Variants in PTPRN2 observed in about 807,000 individuals in gnomAD.
PTPRN2 encodes protein tyrosine phosphatase receptor type N2.
PTPRN2 carries 74 observed loss-of-function variants against 118.8 expected under a neutral mutation model. The ratio of observed to expected loss-of-function variants is 0.62; its 90% CI spans 0.52 to 0.76. The LOEUF (loss-of-function observed/expected upper bound fraction) is 0.76. Among genes scored for constraint, PTPRN2 ranks in the 30% least tolerant of loss-of-function variants. The pLI is 0.00. For synonymous variants in PTPRN2, 641 were observed against 608.0 expected (o/e 1.05, Z -0.80); for missense variants, 1,481 against 1,394.4 (o/e 1.06, Z -0.99).
chr7:158,164,742 G>C (rs1366785559), intron 6 of PTPRN2, among the ~76,000 whole-genome samples: 1 of 152,174 alleles, frequency 6.6e-6, no homozygotes, highest in Non-Finnish European at 1.5e-5. Flanking sequence ...AGAGAAAAGG[G>C]AGGTTAGAGA....
intron 1 of PTPRN2, among the ~76,000 whole-genome samples, chr7:158,582,702 T>C (rs1828693243): frequency 6.9e-6 from 1 of 144,544 alleles, no homozygotes; most frequent in South Asian, 2.1e-4. Context: ...AAGGCTAAGA[T>C]GGGTGGATTG....
intron 2 of PTPRN2, among the ~76,000 whole-genome samples, chr7:158,435,279 A>G (rs1207853354): frequency 6.6e-6 from 1 of 152,228 alleles, no homozygotes; most frequent in African/African-American, 2.4e-5. Context: ...GATTTTTTAA[A>G]CGGGCAAAAG....
At chr7:157,995,276 C>T (rs997424098) in intron 11 of PTPRN2, among the ~76,000 whole-genome samples, 12 of 150,866 alleles carry the variant, frequency 8.0e-5, no homozygotes, top group African/African-American at 2.7e-4. Context: ...CTCCTTGTTC[C>T]TAAAATCAAC....
intron 1 of PTPRN2, among the ~76,000 whole-genome samples, chr7:158,491,358 C>T (rs1369134178): frequency 2.6e-5 from 4 of 152,240 alleles, no homozygotes; most frequent in African/African-American, 4.8e-5. Context: ...CCAGTGCCCA[C>T]CACCATCGCC....
At chr7:158,483,497 T>C (rs566426904) in intron 2 of PTPRN2, among the ~76,000 whole-genome samples, 1 of 152,358 alleles carries the variant, frequency 6.6e-6, no homozygotes, top group African/African-American at 2.4e-5. Context: ...TCTTCCACTT[T>C]GGGGACAACG....
chr7:157,843,353 C>T (rs1489585525), intron 12 of PTPRN2, among the ~76,000 whole-genome samples: 3 of 152,178 alleles, frequency 2.0e-5, no homozygotes, highest in African/African-American at 7.2e-5. Context: ...GAAAACAATG[C>T]AATGGTGGTT....
Position 158,336,987 on chromosome 7 carries a change from G to C in PTPRN2, c.164-20055C>G, listed in dbSNP as rs1384133632. Among the ~76,000 whole-genome samples the C allele has an allele frequency of 8.2e-5, 5 of 60,910 alleles. 2 individuals carry two copies. Among genetic ancestry groups the C allele is most frequent in the Non-Finnish European group, 1.9e-4 (5 of 26,066 alleles). 40.0% of individuals were successfully genotyped at this position (60,910 alleles called of 152,430 possible). On this transcript the variant is annotated intron_variant, in intron 2 of 22. Transcript: ENST00000389418. ...CTCACCATAAGAGCTGATGCCCGCAGACGTCACTCACACCCACACTCTCAC... is the reference window on the plus strand; with the variant it reads ...CTCACCATAAGAGCTGATGCCCGCACACGTCACTCACACCCACACTCTCAC...
At chr7:157,880,461 G>A (rs534379565) in intron 12 of PTPRN2, among the ~76,000 whole-genome samples, 2 of 152,360 alleles carry the variant, frequency 1.3e-5, no homozygotes, top group Non-Finnish European at 2.9e-5. Context: ...GGGGGCACCG[G>A]CAGCTCCTGG....
chr7:157,998,807 T>G (rs4716874), intron 11 of PTPRN2, among the ~76,000 whole-genome samples: 97,942 of 141,794 alleles, frequency 0.69, 33,736 homozygotes, highest in East Asian at 0.88. Context: ...GGGTGACAGA[T>G]ACTCCATCTC....
Position 157,618,778 on chromosome 7 carries a change from T to C in PTPRN2, c.2344+2584A>G, listed in dbSNP as rs1802959618. 6.6e-6 allele frequency: 1 copy of C among 152,254 alleles called. No individual in the cohort carries two copies. The highest frequency in any genetic ancestry group is 2.4e-5 in the African/African-American group (1 of 41,444). 9.4% of individuals were successfully genotyped at this position (152,254 alleles called of 1,614,324 possible). On this transcript the variant is annotated intron_variant, in intron 15 of 22. Transcript: ENST00000389418. This position sits in a 1 kb window ranked among gnomAD's most constrained non-coding sequence, Gnocchi z 4.2. The stretch of plus-strand genomic sequence containing the variant: ...CTATGTGTTCATGAAAATATTTCTA[T>C]CTAGGGTTCTCCCAGGAGGTGAACT...
intron 3 of PTPRN2, among the ~76,000 whole-genome samples, chr7:158,239,932 G>A (rs1361559033): frequency 6.6e-6 from 1 of 152,180 alleles, no homozygotes; most frequent in Non-Finnish European, 1.5e-5. Flanking sequence ...TGAGGGTGTG[G>A]TGCGGGCAAT....
At chr7:157,983,662 T>A (rs999816701) in intron 11 of PTPRN2, among the ~76,000 whole-genome samples, 7 of 150,158 alleles carry the variant, frequency 4.7e-5, no homozygotes, top group African/African-American at 1.7e-4. Context: ...CCCGGAGGAG[T>A]AGCGTGTGTG....
rs531249144 is a variant in PTPRN2 at position 158,080,860 on chromosome 7, C to T, written c.1723+438G>A. On this transcript the variant is annotated intron_variant, in intron 11 of 22. Coordinates refer to ENST00000389418, the MANE Select transcript of PTPRN2 (RefSeq NM_002847.5). Reference sequence around the variant, plus strand: ...TTGTGGTGTCTCTGCCCACCGCAGTCGGGAGCAGGGCCGGTGTGTGCTCCT... The same window carrying T: ...TTGTGGTGTCTCTGCCCACCGCAGTTGGGAGCAGGGCCGGTGTGTGCTCCT... Among the ~76,000 whole-genome samples the T allele has an allele frequency of 2.4e-4, 37 of 152,284 alleles. 1 individual carries two copies. In the South Asian group the frequency reaches 7.2e-3, roughly 30 times the overall value.
chr7:157,796,166 C>T (rs11979416), intron 12 of PTPRN2, among the ~76,000 whole-genome samples: 15,039 of 152,304 alleles, frequency 0.099, 854 homozygotes, highest in Middle Eastern at 0.15. Flanking sequence ...CTTAGAGACG[C>T]GGGGATGCCC....
intron 2 of PTPRN2, among the ~76,000 whole-genome samples, chr7:158,432,257 C>T (rs959505008): frequency 1.1e-4 from 16 of 152,228 alleles, no homozygotes; most frequent in Non-Finnish European, 4.4e-5. Context: ...TCATGAGGAG[C>T]GGCGGGGCCT....
chr7:158,303,298 C>G (rs754845889), intron 3 of PTPRN2, among the ~76,000 whole-genome samples: 10 of 152,148 alleles, frequency 6.6e-5, no homozygotes, highest in Non-Finnish European at 1.5e-4. Context: ...GCTCTCCATT[C>G]CACACCAGCC....
At chr7:158,489,119 G>A (rs1390861560) in intron 2 of PTPRN2, among the ~76,000 whole-genome samples, 1 of 152,212 alleles carries the variant, frequency 6.6e-6, no homozygotes, top group African/African-American at 2.4e-5. Context: ...TTTCTTATCC[G>A]CCTGATAAGA....
chr7:158,558,640 C>A lies in PTPRN2; in HGVS notation c.112+28918G>T, dbSNP rs146752064. 1.8e-4 allele frequency among the ~76,000 whole-genome samples: 27 copies of A among 151,442 alleles called. 1 individual carries two copies. The highest frequency in any genetic ancestry group is 6.3e-4 in the African/African-American group (26 of 41,226). On this transcript the variant is annotated intron_variant, in intron 1 of 22. Transcript: ENST00000389418. ...AAAACAGGTGCAGCAATGAGGGACC[C>A]AAAGGTGAGCAGGGAAAGAGTCTCC...
At chr7:158,221,791 A>G (rs1162209428) in intron 3 of PTPRN2, among the ~76,000 whole-genome samples, 1 of 152,172 alleles carries the variant, frequency 6.6e-6, no homozygotes, top group Non-Finnish European at 1.5e-5. Flanking sequence ...ACAATTCAAG[A>G]TGAGATGTGG....
Sources: gnomAD v4.1 joint callset for allele counts (sites outside exome capture counted in the v4.1 genomes callset) on GRCh38, gnomAD v4.1.1 for gene constraint, Gnocchi (gnomAD v3.1) non-coding constraint, MANE v1.5 for transcripts, NCBI Gene and HGNC (gene_info 2026-07-23, HGNC 2026-07-21) for gene names.